Variants in LOC122539214 observed in about 807,000 individuals in gnomAD.
the LOC122539214 span, among the ~76,000 whole-genome samples, chr19:52,686,984 C>G: frequency 6.6e-6 from 1 of 151,928 alleles, no homozygotes; most frequent in South Asian, 2.1e-4. Flanking sequence ...GAGTTTGAGA[C>G]CAGCCTCTCT....
chr19:52,688,823 G>T, the LOC122539214 span, among the ~76,000 whole-genome samples: 102 of 151,846 alleles, frequency 6.7e-4, no homozygotes, highest in African/African-American at 2.4e-3. Context: ...AAAATAAAAA[G>T]AAAAGAACAA....
chr19:52,657,022 G>A, the LOC122539214 span, among the ~76,000 whole-genome samples: 1 of 152,180 alleles, frequency 6.6e-6, no homozygotes, highest in African/African-American at 2.4e-5. Context: ...AGGCTGAGGT[G>A]GGAGGATTGC....
chr19:52,663,936 G>C, the LOC122539214 span, among the ~76,000 whole-genome samples: 1 of 152,298 alleles, frequency 6.6e-6, no homozygotes, highest in East Asian at 1.9e-4. Context: ...TGCCCGGCTG[G>C]AATGCAGTTA....
chr19:52,689,195 CTCTG>C, the LOC122539214 span, among the ~76,000 whole-genome samples: 1 of 152,306 alleles, frequency 6.6e-6, no homozygotes, highest in Admixed American at 6.5e-5. Context: ...AAAAACCCTG[CTCTG>C]TCTTTGTTCA....
At chr19:52,652,389 C>A in the LOC122539214 span, 7 of 330,862 alleles carry the variant, frequency 2.1e-5, no homozygotes, top group Middle Eastern at 8.5e-4. Flanking sequence ...GAGCCGAGAT[C>A]ACGCCACTGC....
chr19:52,665,728 G>C, the LOC122539214 span, among the ~76,000 whole-genome samples: 2 of 152,156 alleles, frequency 1.3e-5, no homozygotes, highest in African/African-American at 2.4e-5. Flanking sequence ...AGCTTAGCCT[G>C]TGCGGTCTAA....
At chr19:52,659,328 G>C in the LOC122539214 span, among the ~76,000 whole-genome samples, 1 of 152,150 alleles carries the variant, frequency 6.6e-6, no homozygotes, top group Non-Finnish European at 1.5e-5. Flanking sequence ...TAATCAGTAA[G>C]TCATTGGTGC....
chr19:52,682,186 A>G, the LOC122539214 span, among the ~76,000 whole-genome samples: 3 of 151,826 alleles, frequency 2.0e-5, no homozygotes, highest in Admixed American at 2.0e-4. Context: ...GTTGACAACA[A>G]TGAAAAATAC....
the LOC122539214 span, among the ~76,000 whole-genome samples, chr19:52,685,917 A>G: frequency 6.6e-6 from 1 of 151,606 alleles, no homozygotes; most frequent in African/African-American, 2.4e-5. Context: ...AAAAAAAAAA[A>G]AAAAAAAAAT....
chr19:52,654,283 G>A, the LOC122539214 span: 1 of 1,546,918 alleles, frequency 6.5e-7, no homozygotes, highest in Non-Finnish European at 8.9e-7. Context: ...CTTGATTTCT[G>A]GGAAGCAAAA....
At chr19:52,681,767 G>A in the LOC122539214 span, among the ~76,000 whole-genome samples, 2 of 152,202 alleles carry the variant, frequency 1.3e-5, no homozygotes, top group African/African-American at 4.8e-5. Flanking sequence ...CATGAAATAG[G>A]TTCAAGGGTA....
At chr19:52,681,960 G>T in the LOC122539214 span, among the ~76,000 whole-genome samples, 1 of 152,106 alleles carries the variant, frequency 6.6e-6, no homozygotes, top group South Asian at 2.1e-4. Context: ...CAATTCTCCT[G>T]CCTCAGCCTC....
chr19:52,663,050 C>G, the LOC122539214 span, among the ~76,000 whole-genome samples: 2 of 151,988 alleles, frequency 1.3e-5, no homozygotes, highest in African/African-American at 4.8e-5. Context: ...GTGGTCCCAG[C>G]TATTTGGGAG....
the LOC122539214 span, among the ~76,000 whole-genome samples, chr19:52,672,254 A>G: frequency 6.6e-6 from 1 of 152,216 alleles, no homozygotes; most frequent in Admixed American, 6.5e-5. Flanking sequence ...AAATAAAAAT[A>G]AAATGAAATT....
the LOC122539214 span, among the ~76,000 whole-genome samples, chr19:52,671,940 G>C: frequency 3.3e-5 from 5 of 152,094 alleles, no homozygotes; most frequent in Non-Finnish European, 7.3e-5. Context: ...ATATAACTAA[G>C]TTATAAAATT....
At chr19:52,654,514 C>A in the LOC122539214 span, 31 of 472,132 alleles carry the variant, frequency 6.6e-5, no homozygotes, top group African/African-American at 5.5e-4. Flanking sequence ...TTAAAATTCC[C>A]AAATATGATC....
At chr19:52,654,338 G>A in the LOC122539214 span, 4 of 1,382,756 alleles carry the variant, frequency 2.9e-6, no homozygotes, top group Non-Finnish European at 4.0e-6. Context: ...GTCCCTGTGT[G>A]GATCACTTCT....
At chr19:52,652,252 A>G in the LOC122539214 span, 3 of 233,346 alleles carry the variant, frequency 1.3e-5, no homozygotes, top group Admixed American at 1.6e-4. Context: ...CCAGGCCAAC[A>G]TGGTGAAACC....
the LOC122539214 span, among the ~76,000 whole-genome samples, chr19:52,669,684 T>C: frequency 6.6e-6 from 1 of 152,180 alleles, no homozygotes; most frequent in South Asian, 2.1e-4. Context: ...CTTTTCAGGA[T>C]GGCTAGAAAA....
Sources: allele counts gnomAD v4.1 joint callset (sites outside exome capture counted in the v4.1 genomes callset), GRCh38; gene constraint gnomAD v4.1.1; transcripts MANE v1.5.